TASP1: variants seen among roughly 807,000 people sequenced by gnomAD.
The protein encoded by TASP1 is taspase 1.
TASP1 carries 16 observed loss-of-function variants against 56.6 expected under a neutral mutation model. That is an observed-to-expected ratio of 0.28 (90% CI 0.19 to 0.43). The LOEUF (loss-of-function observed/expected upper bound fraction) is 0.43, where lower values mean the gene tolerates loss of function less well. Ranked by LOEUF, TASP1 falls within the 20% of genes least tolerant of loss-of-function variation. TASP1 has a pLI of 1.00. For synonymous variants in TASP1, 179 were observed against 184.2 expected (o/e 0.97, Z 0.23); for missense variants, 393 against 511.6 (o/e 0.77, Z 2.24).
the TASP1 span, among the ~76,000 whole-genome samples, chr20:13,321,902 G>C: frequency 6.6e-6 from 1 of 152,190 alleles, no homozygotes; most frequent in Non-Finnish European, 1.5e-5. Flanking sequence ...TGCTAGCTAT[G>C]TGACCTTGAG....
chr20:13,432,414 C>T (rs891251186), intron 12 of TASP1, among the ~76,000 whole-genome samples: 3 of 152,300 alleles, frequency 2.0e-5, no homozygotes, highest in African/African-American at 7.2e-5. Context: ...TAAAAGGTGA[C>T]TTTCACATCT....
chr20:13,347,799 G>A, the TASP1 span, among the ~76,000 whole-genome samples: 18 of 149,824 alleles, frequency 1.2e-4, no homozygotes, highest in African/African-American at 1.7e-4. Flanking sequence ...CCAAGATCTC[G>A]CCATTGCACT....
At chr20:13,215,621 G>A in the TASP1 span, among the ~76,000 whole-genome samples, 5 of 152,134 alleles carry the variant, frequency 3.3e-5, no homozygotes, top group African/African-American at 4.8e-5. Flanking sequence ...CCAAGAAGCC[G>A]GTCCTATTTC....
intron 6 of TASP1, among the ~76,000 whole-genome samples, chr20:13,571,482 A>G (rs1331309118): frequency 6.6e-6 from 1 of 152,188 alleles, no homozygotes; most frequent in Non-Finnish European, 1.5e-5. Context: ...CATTGACTCT[A>G]CCTTTATAAC....
At chr20:13,593,376 C>A (rs985614273) in intron 4 of TASP1, among the ~76,000 whole-genome samples, 1 of 152,070 alleles carries the variant, frequency 6.6e-6, no homozygotes, top group African/African-American at 2.4e-5. Context: ...GTGGAGGCCA[C>A]GGAGGGTGAG....
chr20:13,280,817 G>A, the TASP1 span, among the ~76,000 whole-genome samples: 6 of 152,328 alleles, frequency 3.9e-5, no homozygotes, highest in East Asian at 1.2e-3. Context: ...AGAAAAAGAG[G>A]AACCCAATTT....
At chr20:13,152,629 A>C in the TASP1 span, among the ~76,000 whole-genome samples, 1 of 152,230 alleles carries the variant, frequency 6.6e-6, no homozygotes, top group Non-Finnish European at 1.5e-5. Flanking sequence ...ATCTAAAAGA[A>C]AGACTCAAAT....
chr20:13,271,106 G>A, the TASP1 span, among the ~76,000 whole-genome samples: 3 of 152,170 alleles, frequency 2.0e-5, no homozygotes, highest in African/African-American at 7.2e-5. Flanking sequence ...AAATGTGGCC[G>A]TTATAGGAAA....
At chr20:13,121,845 G>T in the TASP1 span, among the ~76,000 whole-genome samples, 6 of 152,174 alleles carry the variant, frequency 3.9e-5, no homozygotes, top group Non-Finnish European at 5.9e-5. Flanking sequence ...GGGCAAGATA[G>T]TCTTAACATT....
At chr20:13,343,346 C>T in the TASP1 span, among the ~76,000 whole-genome samples, 10 of 152,244 alleles carry the variant, frequency 6.6e-5, no homozygotes. Context: ...GAAAATGGCC[C>T]TACTGGGCCT....
the TASP1 span, among the ~76,000 whole-genome samples, chr20:13,345,916 T>TA: frequency 0.058 from 5,905 of 101,104 alleles, 217 homozygotes; most frequent in East Asian, 0.09. Context: ...CTCAGTAGGT[T>TA]AAAAAAAAAA....
At chr20:13,411,914 T>C (rs2042106380) in intron 13 of TASP1, among the ~76,000 whole-genome samples, 1 of 152,204 alleles carries the variant, frequency 6.6e-6, no homozygotes, top group African/African-American at 2.4e-5. Flanking sequence ...CTGTACATGT[T>C]GGGAGCAGGA....
At chr20:13,146,406 A>G in the TASP1 span, among the ~76,000 whole-genome samples, 1 of 152,288 alleles carries the variant, frequency 6.6e-6, no homozygotes, top group East Asian at 1.9e-4. Context: ...AAATCTTCAC[A>G]TGTACCCCGA....
chr20:13,485,237 C>CTAT (rs2043282724), intron 10 of TASP1, among the ~76,000 whole-genome samples: 1 of 152,114 alleles, frequency 6.6e-6, no homozygotes, highest in African/African-American at 2.4e-5. Flanking sequence ...CTGCCTTTGA[C>CTAT]TATTACATTA....
the TASP1 span, among the ~76,000 whole-genome samples, chr20:13,171,651 T>C: frequency 6.6e-6 from 1 of 152,180 alleles, no homozygotes; most frequent in Non-Finnish European, 1.5e-5. Context: ...TGAGCATCTA[T>C]TGTTTCTAAT....
chr20:13,174,530 T>A, the TASP1 span, among the ~76,000 whole-genome samples: 4 of 151,880 alleles, frequency 2.6e-5, no homozygotes, highest in African/African-American at 4.8e-5. Flanking sequence ...AAACCCCATA[T>A]CTACAAAAAA....
chr20:13,629,886 A>G (rs768514373), intron 2 of TASP1, 48 bp downstream of exon 2: 1 of 1,607,858 alleles, frequency 6.2e-7, no homozygotes, highest in African/African-American at 1.3e-5. Flanking sequence ...AGGCAGAAAA[A>G]GAAAAATCAA....
chr20:13,561,853 T>G (rs2147086999), intron 7 of TASP1, among the ~76,000 whole-genome samples: 1 of 148,248 alleles, frequency 6.7e-6, no homozygotes, highest in South Asian at 2.1e-4. Context: ...TTTTAGAATG[T>G]TAAATGTAAT....
At chr20:13,619,068 T>C (rs1453761120) in intron 4 of TASP1, among the ~76,000 whole-genome samples, 1 of 151,932 alleles carries the variant, frequency 6.6e-6, no homozygotes, top group Non-Finnish European at 1.5e-5. Context: ...AGAGACGGGG[T>C]TTCACCATAT....
Sources: gnomAD v4.1 joint callset for allele counts (sites outside exome capture counted in the v4.1 genomes callset) on GRCh38, gnomAD v4.1.1 for gene constraint, MANE v1.5 for transcripts, NCBI Gene and HGNC (gene_info 2026-07-23, HGNC 2026-07-21) for gene names.